PRRC2A: variants seen among roughly 807,000 people sequenced by gnomAD.
PRRC2A encodes protein PRRC2A.
PRRC2A carries 59 observed loss-of-function variants against 224.6 expected under a neutral mutation model. The observed-to-expected ratio is 0.26, with a 90% CI of 0.21 to 0.33. PRRC2A has a LOEUF of 0.33. Among genes scored for constraint, PRRC2A ranks in the 10% least tolerant of loss-of-function variants. The pLI is 1.00. For missense variants in PRRC2A, 3,095 were observed against 2,880.7 expected (o/e 1.07, Z -1.70); for synonymous variants, 1,194 against 1,109.5 (o/e 1.08, Z -1.51).
rs1359549949 is a variant in PRRC2A at position 31,632,868 on chromosome 6, C to T, written c.4195C>T (p.Pro1399Ser). ...RPGMERQNRR[P>S]GPGGKAGSSG... ...AGGCATGGAACGGCAGAATCGGCGCCCTGGCCCAGGGGGCAAGGCTGGCAG... is the reference window on the plus strand; with the variant it reads ...AGGCATGGAACGGCAGAATCGGCGCTCTGGCCCAGGGGGCAAGGCTGGCAG... Residue 1399 changes from proline (P) to serine (S), a missense_variant, in exon 16 of 31, where the codon CCT (proline) becomes TCT (serine). Pro to Ser is a moderately conservative substitution (Grantham distance 74, BLOSUM62 -1). Coordinates refer to ENST00000376033, the MANE Select transcript of PRRC2A (RefSeq NM_004638.4). 11 of 1,613,016 alleles carry T rather than the reference C, an allele frequency of 6.8e-6. No individual in the cohort carries two copies. The highest frequency in any genetic ancestry group is 1.3e-5 in the African/African-American group (1 of 75,024).
chr6:31,623,207 A>G (rs923777801), intron 2 of PRRC2A: 3 of 685,174 alleles, frequency 4.4e-6, no homozygotes, highest in Non-Finnish European at 8.1e-6. Context: ...CCAATCTCAC[A>G]TAAAAGTATT....
Position 31,636,576 on chromosome 6 carries a change from G to A in PRRC2A, c.5902G>A (p.Gly1968Ser). The A allele has an allele frequency of 6.2e-7, 1 of 1,607,096 alleles. No individual in the cohort carries two copies. The highest frequency in any genetic ancestry group is 8.5e-7 in the Non-Finnish European group (1 of 1,177,416). Residue 1968 changes from glycine (G) to serine (S), a missense_variant, in exon 27 of 31, where the codon GGC becomes AGC. Physicochemically the swap from Gly to Ser is moderately conservative, Grantham distance 56 (BLOSUM62 0). Coordinates refer to ENST00000376033, the MANE Select transcript of PRRC2A (RefSeq NM_004638.4). The surrounding 1 kb of genome is among the most constrained non-coding windows in gnomAD (Gnocchi z 4.3). ...TCCTCTGCAGCCTGGTGGCCAAAGTGGCTTTCTCCCTTCAGGGGCTCCTGC... is the reference window on the plus strand; with the variant it reads ...TCCTCTGCAGCCTGGTGGCCAAAGTAGCTTTCTCCCTTCAGGGGCTCCTGC... ...STPLQPGGQSGFLPSGAPAQQ... is the reference protein window; with the variant it reads ...STPLQPGGQSSFLPSGAPAQQ...
At position 31,631,864 on chromosome 6, in the gene PRRC2A, A is replaced by G. The variant is rs772815604; in HGVS notation, c.3191A>G (p.Asp1064Gly). The stretch of plus-strand genomic sequence containing the variant: ...AGTTACCGAGAGTTTCGAGGAGATG[A>G]TGGGCGTGGAGGTGGGACAGGGGGA... Reference protein sequence around the residue: ...FRSYREFRGDDGRGGGTGGPN... With the variant: ...FRSYREFRGDGGRGGGTGGPN... The change falls in exon 16 of 31, where the codon GAT (aspartate) becomes GGT (glycine). Residue 1064 changes from aspartate (D) to glycine (G), a missense_variant. Coordinates refer to ENST00000376033, the MANE Select transcript of PRRC2A (RefSeq NM_004638.4). The surrounding 1 kb of genome is among the most constrained non-coding windows in gnomAD (Gnocchi z 4.5). The G allele has an allele frequency of 1.2e-6, 2 of 1,609,206 alleles. No individual in the cohort carries two copies. Among genetic ancestry groups the G allele is most frequent in the South Asian group, 2.2e-5 (2 of 90,646 alleles).
chr6:31,625,612 G>A lies in PRRC2A; in HGVS notation c.759+1G>A, dbSNP rs111897850. ...CTACCGCGGAATGATGCCGCCTTTCGTGAGTCTTGGTGTCTTGTCTTGGAA... is the reference window on the plus strand; with the variant it reads ...CTACCGCGGAATGATGCCGCCTTTCATGAGTCTTGGTGTCTTGTCTTGGAA... On this transcript the variant is annotated splice_donor_variant, in intron 7 of 30. Transcript: ENST00000376033. LOFTEE classifies it high-confidence loss of function. This position sits in a 1 kb window ranked among gnomAD's most constrained non-coding sequence, Gnocchi z 4.1. 2 of 1,581,970 alleles carry A rather than the reference G, an allele frequency of 1.3e-6. No individual in the cohort carries two copies. The highest frequency in any genetic ancestry group is 1.7e-6 in the Non-Finnish European group (2 of 1,162,306).
intron 9 of PRRC2A, 126 bp downstream of exon 9, chr6:31,626,288 C>T: frequency 2.6e-6 from 3 of 1,173,332 alleles, no homozygotes; most frequent in Non-Finnish European, 3.6e-6. Flanking sequence ...CCCAATGGCT[C>T]ACATCTGTAA....
Position 31,634,528 on chromosome 6 carries a change from A to C in PRRC2A, c.4906A>C (p.Ser1636Arg). 6.2e-7 allele frequency: 1 copy of C among 1,612,668 alleles called. No individual in the cohort carries two copies. The highest frequency in any genetic ancestry group is 8.5e-7 in the Non-Finnish European group (1 of 1,179,862). The change falls in exon 20 of 31, where the codon AGT (serine) becomes CGT (arginine). Residue 1636 changes from serine to arginine, a missense_variant. Coordinates refer to ENST00000376033, the MANE Select transcript of PRRC2A (RefSeq NM_004638.4). ...CATGGAGCCTTGGATGGAGCCCCTG[A>C]GTCCTTTTGAGGATGTGGCTGGCAC... ...SSMEPWMEPL[S>R]PFEDVAGTEM...
chr6:31,625,731 TAAG>T lies in PRRC2A; in HGVS notation c.760-60_760-58del, dbSNP rs1775833006. Reference sequence around the variant, plus strand: ...GTGGGAGGATGATTGATAGCAGGCTTAAGGAGCTAGAAGGGTATATGACTGTCC... The same window carrying T: ...GTGGGAGGATGATTGATAGCAGGCTTGAGCTAGAAGGGTATATGACTGTCC... On this transcript the variant is annotated intron_variant, in intron 7 of 30. Transcript: ENST00000376033. The surrounding 1 kb of genome is among the most constrained non-coding windows in gnomAD (Gnocchi z 4.1). The T allele has an allele frequency of 1.9e-6, 3 of 1,564,412 alleles. No individual in the cohort carries two copies. The highest frequency in any genetic ancestry group is 3.3e-5 in the Admixed American group (2 of 59,904).
Position 31,622,896 on chromosome 6 carries a change from C to G in PRRC2A, c.107C>G (p.Pro36Arg). 1 of 1,613,208 alleles carries G rather than the reference C, an allele frequency of 6.2e-7. No homozygotes were observed. Among genetic ancestry groups the G allele is most frequent in the Non-Finnish European group, 8.5e-7 (1 of 1,179,182 alleles). Residue 36 changes from proline (P) to arginine (R), a missense_variant, in exon 2 of 31, where the codon CCC (proline) becomes CGC (arginine). Physicochemically the swap from Pro to Arg is moderately radical, Grantham distance 103. Around this residue, in one of 8 missense-constraint regions of PRRC2A, gnomAD observed 64 missense variants for 68.2 expected, o/e 0.94. Transcript: ENST00000376033. ...YKGKSLEIQK[P>R]AVAPRHGLQS... ...GGCAAGTCCTTAGAGATCCAGAAAC[C>G]CGCTGGTGAGAGTCCTGCAAAGATG...
At position 31,630,456 on chromosome 6, in the gene PRRC2A, T is replaced by A. The variant is rs770960720; in HGVS notation, c.2255-135T>A. On this transcript the variant is annotated intron_variant, in intron 14 of 30. Coordinates refer to ENST00000376033, the MANE Select transcript of PRRC2A (RefSeq NM_004638.4). ...AATCTGAGTGGATAACCTTGTTATA[T>A]AAGAGCAGGCAAGGCCCGGACCTAC... 8.1e-4 allele frequency: 626 copies of A among 768,110 alleles called. 9 individuals carry two copies. The highest frequency in any genetic ancestry group is 1.7e-4 in the Non-Finnish European group (82 of 477,342). 47.6% of individuals were successfully genotyped at this position (768,110 alleles called of 1,614,324 possible).
chr6:31,635,164 C>T lies in PRRC2A; in HGVS notation c.5193C>T (p.Gly1731=). The change falls in exon 22 of 31, where the codon GGC becomes GGT. Residue 1731 remains glycine, a synonymous_variant. Coordinates refer to ENST00000376033, the MANE Select transcript of PRRC2A (RefSeq NM_004638.4). The stretch of plus-strand genomic sequence containing the variant: ...CCCGGGAGCAGCCTCTGCCCCCTGG[C>T]CCCATTGGCACAGAACGATCACAGC... The part of the protein sequence containing the change: ...ELPREQPLPP[G]PIGTERSQRT... 7 of 1,612,810 alleles carry T rather than the reference C, an allele frequency of 4.3e-6. No individual in the cohort carries two copies. Among genetic ancestry groups the T allele is most frequent in the Non-Finnish European group, 5.9e-6 (7 of 1,178,826 alleles).
rs531386312 is a variant in PRRC2A, at chr6:31,623,723, G to A, written c.113-9G>A. 3 of 1,613,752 alleles carry A rather than the reference G, an allele frequency of 1.9e-6. No homozygotes were observed. The highest frequency in any genetic ancestry group is 2.5e-6 in the Non-Finnish European group (3 of 1,179,826). On this transcript the variant is annotated splice_polypyrimidine_tract_variant and intron_variant, in intron 2 of 30. Transcript: ENST00000376033. ...GCATTTTCGACCCTCTCTCCGTCTT[G>A]TTCTCCAGTTGCCCCTCGCCATGGC...
At position 31,631,131 on chromosome 6, in the gene PRRC2A, C is replaced by T. The variant is rs372359057; in HGVS notation, c.2466-8C>T. ...ACTTATTTCCATTCTTTCTGTCTGT[C>T]TCTTCAGGAGCGAGACTCCTCCAGT... On this transcript the variant is annotated splice_polypyrimidine_tract_variant and splice_region_variant and intron_variant, in intron 15 of 30. Transcript: ENST00000376033. This position sits in a 1 kb window ranked among gnomAD's most constrained non-coding sequence, Gnocchi z 4.5. 1.3e-6 allele frequency: 2 copies of T among 1,483,316 alleles called. No individual in the cohort carries two copies. Among genetic ancestry groups the T allele is most frequent in the South Asian group, 1.3e-5 (1 of 74,958 alleles). 91.9% of individuals were successfully genotyped at this position (1,483,316 alleles called of 1,614,324 possible).
At chr6:31,629,876 G>A in intron 14 of PRRC2A, 31 bp downstream of exon 14, 8 of 1,610,416 alleles carry the variant, frequency 5.0e-6, no homozygotes, top group Non-Finnish European at 6.8e-6. Context: ...TGAGAAACAG[G>A]AAAGTCCCCT....
At chr6:31,623,348 A>G (rs1775530815) in intron 2 of PRRC2A, 1 of 403,334 alleles carries the variant, frequency 2.5e-6, no homozygotes, top group Admixed American at 3.9e-5. Context: ...ACTTACCACA[A>G]CCTCCACCTC....
intron 14 of PRRC2A, 21 bp from the exon 15 acceptor site, chr6:31,630,564 ATTTTTC>A: frequency 6.2e-7 from 1 of 1,612,128 alleles, no homozygotes; most frequent in Non-Finnish European, 8.5e-7. Context: ...GAATAGGATT[ATTTTTC>A]TTTTTCTTTG....
At chr6:31,622,567 A>G in intron 1 of PRRC2A, 123 bp from the exon 2 acceptor site, 1 of 500,398 alleles carries the variant, frequency 2.0e-6, no homozygotes. Context: ...TAAGTAGATC[A>G]TGGTTGCTTG....
intron 2 of PRRC2A, 30 bp downstream of exon 2, chr6:31,622,931 G>A: frequency 1.3e-6 from 2 of 1,570,878 alleles, no homozygotes; most frequent in Non-Finnish European, 1.8e-6. Context: ...GCTTCTGATG[G>A]TTGAAAGCTA....
At chr6:31,637,194 C>T in intron 29 of PRRC2A, 40 bp from the exon 30 acceptor site, 1 of 1,606,862 alleles carries the variant, frequency 6.2e-7, no homozygotes, top group Non-Finnish European at 8.5e-7. Flanking sequence ...GAACCAGGGT[C>T]TGGATCCTAG....
chr6:31,629,923 C>G (rs3130623), intron 14 of PRRC2A, 78 bp downstream of exon 14: 1 of 1,570,958 alleles, frequency 6.4e-7, no homozygotes, highest in African/African-American at 1.4e-5. Context: ...CTTACTGTGA[C>G]TCTGGTACGA....
Sources: allele counts gnomAD v4.1 joint callset, GRCh38; gene constraint gnomAD v4.1.1; regional missense constraint gnomAD v4.1.1; non-coding constraint Gnocchi (gnomAD v3.1); transcripts MANE v1.5; gene names NCBI Gene and HGNC (gene_info 2026-07-23, HGNC 2026-07-21).